The following CSMD1 variants were observed in gnomAD, a reference collection of about 807,000 sequenced individuals.
CSMD1 encodes CUB and sushi domain-containing protein 1.
Under a neutral mutation model 417.5 loss-of-function variants are expected in CSMD1, and 213 were observed. The ratio of observed to expected loss-of-function variants is 0.51; its 90% CI spans 0.46 to 0.57. CSMD1 has a LOEUF of 0.57. Among genes scored for constraint, CSMD1 ranks in the 20% least tolerant of loss-of-function variants. The probability of loss-of-function intolerance (pLI) is 0.00; values close to 1 mark genes in which losing one functional copy is unlikely to be tolerated. For missense variants in CSMD1, 6,923 were observed against 4,529.7 expected, an observed-to-expected ratio of 1.53 and a Z score of -15.17; for synonymous variants, 2,862 against 1,736.8, an observed-to-expected ratio of 1.65 and a Z score of -16.11.
chr8:3,862,412 C>G (rs933093965), intron 5 of CSMD1, among the ~76,000 whole-genome samples: 7 of 149,788 alleles, frequency 4.7e-5, no homozygotes, highest in Non-Finnish European at 1.0e-4. Context: ...TTTTCTCTCA[C>G]TTGTCTTTCA....
intron 5 of CSMD1, among the ~76,000 whole-genome samples, chr8:3,866,846 T>G (rs1308478057): frequency 1.3e-5 from 2 of 152,182 alleles, no homozygotes; most frequent in East Asian, 3.9e-4. Context: ...CAACTAAATT[T>G]ACCATGTTAC....
chr8:3,299,729 C>T (rs377054847), intron 25 of CSMD1, among the ~76,000 whole-genome samples: 1 of 152,042 alleles, frequency 6.6e-6, no homozygotes, highest in Non-Finnish European at 1.5e-5. Flanking sequence ...AAGTCACTAA[C>T]CAAATGTATT....
intron 10 of CSMD1, among the ~76,000 whole-genome samples, chr8:3,556,734 C>A (rs1237147225): frequency 6.6e-6 from 1 of 151,966 alleles, no homozygotes; most frequent in African/African-American, 2.4e-5. Flanking sequence ...CTTCTCCTCT[C>A]TCAAAGCTTT....
intron 49 of CSMD1, among the ~76,000 whole-genome samples, chr8:3,086,193 G>C (rs1814517258): frequency 6.6e-6 from 1 of 151,318 alleles, no homozygotes; most frequent in African/African-American, 2.4e-5. Flanking sequence ...TTCTTGTAAA[G>C]AAAAAAAAAT....
In CSMD1 at chr8:4,668,197, A is replaced by G. The variant is rs150893113; in HGVS notation, c.86-30639T>C. On this transcript the variant is annotated intron_variant, in intron 1 of 69. Transcript: ENST00000635120. Reference sequence around the variant, plus strand: ...GGATTTGAGTATAATAACTTCTGTTATGGCTTCTGATCCTTCCAACTTTGA... The same window carrying G: ...GGATTTGAGTATAATAACTTCTGTTGTGGCTTCTGATCCTTCCAACTTTGA... Among the ~76,000 whole-genome samples the G allele has an allele frequency of 4.1e-3, 620 of 152,174 alleles. 3 individuals carry two copies. The highest frequency in any genetic ancestry group is 6.8e-3 in the Admixed American group (104 of 15,286).
At position 3,453,392 on chromosome 8, in the gene CSMD1, A is replaced by T. The variant is rs554974492; in HGVS notation, c.1561+15320T>A. Among the ~76,000 whole-genome samples, 36 of 151,686 alleles carry T rather than the reference A, an allele frequency of 2.4e-4. 1 individual carries two copies. The South Asian group carries it at 4.2e-3, about 18-fold the overall frequency. On this transcript the variant is annotated intron_variant, in intron 12 of 69. Transcript: ENST00000635120. ...TTGCTCTTGCTTCTCTGGTTTTTTT[A>T]ATTGTGATGTTAGGATGTCAATTTT... is the stretch of plus-strand genomic sequence containing the variant.
Position 4,347,000 on chromosome 8 carries a change from G to T in CSMD1, c.415+72953C>A, listed in dbSNP as rs150356912. On this transcript the variant is annotated intron_variant, in intron 3 of 69. Coordinates refer to ENST00000635120, the MANE Select transcript of CSMD1 (RefSeq NM_033225.6). ...GAGGGTGCTTGTGGCTGAGGACAAG[G>T]GCTCCAGGATACTTAAAGTTTTCAT... Among the ~76,000 whole-genome samples the T allele has an allele frequency of 8.5e-5, 13 of 152,166 alleles. No individual in the cohort carries two copies. The East Asian group carries it at 2.1e-3, about 25-fold the overall frequency.
At chr8:4,916,211 T>C (rs1469667609) in intron 1 of CSMD1, among the ~76,000 whole-genome samples, 1 of 152,206 alleles carries the variant, frequency 6.6e-6, no homozygotes, top group African/African-American at 2.4e-5. Flanking sequence ...GGCAGCTCCG[T>C]AGATGACCAC....
intron 7 of CSMD1, among the ~76,000 whole-genome samples, chr8:3,679,565 G>A (rs527895016): frequency 6.6e-6 from 1 of 152,118 alleles, no homozygotes; most frequent in Non-Finnish European, 1.5e-5. Flanking sequence ...GAGAGACTTA[G>A]ACTCCCACAC....
intron 38 of CSMD1, among the ~76,000 whole-genome samples, chr8:3,161,819 G>A (rs1484884636): frequency 3.3e-5 from 5 of 152,118 alleles, no homozygotes; most frequent in Non-Finnish European, 7.4e-5. Flanking sequence ...TGCACATACA[G>A]AAGCAGATTC....
chr8:3,594,278 G>C (rs1352024983), intron 8 of CSMD1, among the ~76,000 whole-genome samples: 3 of 151,832 alleles, frequency 2.0e-5, no homozygotes, highest in South Asian at 4.2e-4. Flanking sequence ...AACAGCTCTT[G>C]GTCAATATAT....
chr8:3,208,355 C>A (rs1797419428), intron 30 of CSMD1, among the ~76,000 whole-genome samples: 1 of 152,094 alleles, frequency 6.6e-6, no homozygotes, highest in East Asian at 1.9e-4. Flanking sequence ...CAACCTCTGC[C>A]CCCCAGGTTC....
At chr8:3,875,492 G>A (rs1459856802) in intron 5 of CSMD1, among the ~76,000 whole-genome samples, 6 of 152,118 alleles carry the variant, frequency 3.9e-5, no homozygotes, top group Admixed American at 3.3e-4. Flanking sequence ...GAGGGTCACT[G>A]GCATGGAGAG....
In CSMD1 at chr8:3,096,954, G is replaced by T; in HGVS notation, c.7033C>A (p.Gln2345Lys). 2 of 1,554,524 alleles carry T rather than the reference G, an allele frequency of 1.3e-6. No homozygotes were observed. The highest frequency in any genetic ancestry group is 1.7e-6 in the Non-Finnish European group (2 of 1,147,732). The stretch of plus-strand genomic sequence containing the variant: ...ACTTTAATACTCCAAGAGCAAGTCT[G>T]GGAGTTAAAATAATTACCCGGATAC... Reference protein sequence around the residue: ...PGYPGNYFNSQTCSWSIKVEP... With the variant: ...PGYPGNYFNSKTCSWSIKVEP... Residue 2345 changes from glutamine (Q) to lysine (K), a missense_variant, in exon 47 of 70, where the codon CAG (glutamine) becomes AAG (lysine). Transcript: ENST00000635120.
Position 2,950,058 on chromosome 8 carries a change from T to C in CSMD1, c.10314+173A>G, listed in dbSNP as rs1802518571. On this transcript the variant is annotated intron_variant, in intron 67 of 69. Coordinates refer to ENST00000635120, the MANE Select transcript of CSMD1 (RefSeq NM_033225.6). ...ACTTCTTAGACCTGGTTTCTTCCCT[T>C]ATAAAATGAAGGAATAAAATGGCCA... Among the ~76,000 whole-genome samples the C allele has an allele frequency of 2.0e-5, 3 of 152,074 alleles. No homozygotes were observed. The South Asian group carries it at 6.2e-4, about 32-fold the overall frequency.
chr8:4,354,966 G>A (rs556397854), intron 3 of CSMD1, among the ~76,000 whole-genome samples: 84 of 150,350 alleles, frequency 5.6e-4, no homozygotes, highest in African/African-American at 2.0e-3. Context: ...CCAAACCCAT[G>A]TTTAGATCTT....
rs139171960 is a variant in CSMD1 at position 4,387,769 on chromosome 8, G to T, written c.415+32184C>A. Among the ~76,000 whole-genome samples the T allele has an allele frequency of 1.4e-3, 219 of 152,018 alleles. 2 individuals are homozygous for T. The East Asian group carries it at 0.036, about 25-fold the overall frequency. On this transcript the variant is annotated intron_variant, in intron 3 of 69. Transcript: ENST00000635120. Reference sequence around the variant, plus strand: ...ACATATTCAAAAATCCTATCTGAAGGCTTATGAGAATTAACAAGACGGATT... The same window carrying T: ...ACATATTCAAAAATCCTATCTGAAGTCTTATGAGAATTAACAAGACGGATT...
At position 2,962,512 on chromosome 8, in the gene CSMD1, G is replaced by A. The variant is rs1157257373; in HGVS notation, c.9582C>T (p.Val3194=). The A allele has an allele frequency of 6.2e-7, 1 of 1,613,934 alleles. No homozygotes were observed. The highest frequency in any genetic ancestry group is 8.5e-7 in the Non-Finnish European group (1 of 1,179,860). Residue 3194 remains valine, a synonymous_variant, in exon 61 of 70, where the codon GTC becomes GTT. Coordinates refer to ENST00000635120, the MANE Select transcript of CSMD1 (RefSeq NM_033225.6). ...CGCTCCACGTGCCGTCAGCTTGGCA[G>A]ACTCTTCTGGAGGATCCCACGAGTA... ...PFILVGSSRR[V]CQADGTWSGI... is the part of the protein sequence containing the mutation.
intron 1 of CSMD1, among the ~76,000 whole-genome samples, chr8:4,916,676 T>A (rs2117118435): frequency 6.6e-6 from 1 of 152,330 alleles, no homozygotes; most frequent in Non-Finnish European, 1.5e-5. Context: ...AGGCATTTTT[T>A]TACAGCTGAT....
Sources: allele counts gnomAD v4.1 joint callset (sites outside exome capture counted in the v4.1 genomes callset), GRCh38; gene constraint gnomAD v4.1.1; transcripts MANE v1.5; gene names NCBI Gene and HGNC (gene_info 2026-07-23, HGNC 2026-07-21).